Variants in ADD3 observed in about 807,000 individuals in gnomAD.
ADD3 encodes gamma-adducin.
A neutral mutation model predicts 80.2 loss-of-function variants in ADD3; 25 were observed. That is an observed-to-expected ratio of 0.31 (90% confidence interval 0.23 to 0.44). The LOEUF (loss-of-function observed/expected upper bound fraction) is 0.44, where lower values mean the gene tolerates loss of function less well. Among genes scored for constraint, ADD3 ranks in the 20% least tolerant of loss-of-function variants. The pLI, the probability that ADD3 is intolerant of heterozygous loss-of-function variation, is 1.00. For synonymous variants in ADD3, 284 were observed against 289.6 expected (o/e 0.98, Z 0.20); for missense variants, 829 against 847.5 (o/e 0.98, Z 0.27).
At chr10:110,059,614 C>A (rs977169018) in intron 1 of ADD3, among the ~76,000 whole-genome samples, 1 of 151,744 alleles carries the variant, frequency 6.6e-6, no homozygotes, top group Non-Finnish European at 1.5e-5. Flanking sequence ...ACCAAAAATA[C>A]AAAAATTAGC....
At chr10:110,008,798 A>G (rs1348889220) in intron 1 of ADD3, among the ~76,000 whole-genome samples, 1 of 152,128 alleles carries the variant, frequency 6.6e-6, no homozygotes, top group Non-Finnish European at 1.5e-5. Context: ...TTTTGTTACA[A>G]GTTGAAAGTG....
At chr10:110,077,923 A>G (rs1024251437) in intron 1 of ADD3, among the ~76,000 whole-genome samples, 4 of 152,074 alleles carry the variant, frequency 2.6e-5, no homozygotes, top group Admixed American at 6.5e-5. Flanking sequence ...TGTGTTATCT[A>G]TACTCTCTGG....
intron 1 of ADD3, among the ~76,000 whole-genome samples, chr10:110,016,777 G>C (rs1164788151): frequency 2.0e-5 from 3 of 152,052 alleles, no homozygotes; most frequent in African/African-American, 7.2e-5. Flanking sequence ...CCTGGTTTTT[G>C]TTTGTTTTTT....
At chr10:110,050,506 C>CTTTT (rs59897959) in intron 1 of ADD3, among the ~76,000 whole-genome samples, 3 of 129,440 alleles carry the variant, frequency 2.3e-5, no homozygotes, top group Non-Finnish European at 3.3e-5. Flanking sequence ...CATTAAACCT[C>CTTTT]TTTTTTTTTT....
intron 1 of ADD3, among the ~76,000 whole-genome samples, chr10:110,032,310 C>CT (rs1325920340): frequency 2.0e-5 from 3 of 152,110 alleles, no homozygotes; most frequent in African/African-American, 7.2e-5. Context: ...ATGCTAGTCT[C>CT]TAAGTTAGAA....
intron 1 of ADD3, among the ~76,000 whole-genome samples, chr10:110,011,339 G>T (rs1291825478): frequency 6.6e-6 from 1 of 152,122 alleles, no homozygotes; most frequent in Non-Finnish European, 1.5e-5. Flanking sequence ...ATTCCTCAAG[G>T]AACTGTGTGT....
intron 5 of ADD3, 104 bp from the exon 6 acceptor site, chr10:110,118,483 A>C (rs958823922): frequency 2.1e-6 from 2 of 938,088 alleles, no homozygotes; most frequent in East Asian, 2.4e-5. Context: ...AATATTTGCT[A>C]TCTGACCTTT....
At chr10:110,080,769 A>G (rs994336068) in intron 1 of ADD3, among the ~76,000 whole-genome samples, 1 of 152,188 alleles carries the variant, frequency 6.6e-6, no homozygotes. Flanking sequence ...CCTTTAATCC[A>G]TCTCCTTGTT....
chr10:110,130,536 A>G (rs747496598), intron 13 of ADD3, 50 bp downstream of exon 13: 19 of 1,589,942 alleles, frequency 1.2e-5, no homozygotes, highest in African/African-American at 2.7e-5. Flanking sequence ...TGATAACAAT[A>G]AAGTACCTCA....
intron 1 of ADD3, among the ~76,000 whole-genome samples, chr10:110,012,906 T>C (rs1843388696): frequency 6.6e-6 from 1 of 152,124 alleles, no homozygotes; most frequent in African/African-American, 2.4e-5. Flanking sequence ...TTTATATCTT[T>C]AAGGTAAGGT....
chr10:110,052,615 G>A (rs565673630), intron 1 of ADD3, among the ~76,000 whole-genome samples: 2 of 152,322 alleles, frequency 1.3e-5, no homozygotes, highest in South Asian at 2.1e-4. Context: ...GTTGGGGACC[G>A]ATGGTCTATG....
intron 1 of ADD3, among the ~76,000 whole-genome samples, chr10:110,099,926 A>G (rs1216099789): frequency 1.3e-5 from 2 of 152,222 alleles, no homozygotes; most frequent in Non-Finnish European, 2.9e-5. Flanking sequence ...GGTTTGTACT[A>G]GTTCCTATTA....
chr10:110,020,460 A>G (rs1462571247), intron 1 of ADD3, among the ~76,000 whole-genome samples: 1 of 152,190 alleles, frequency 6.6e-6, no homozygotes, highest in Non-Finnish European at 1.5e-5. Context: ...AGATGATGAG[A>G]GAGCATGCAT....
At chr10:110,095,885 G>A (rs1036968912) in intron 1 of ADD3, among the ~76,000 whole-genome samples, 1 of 152,272 alleles carries the variant, frequency 6.6e-6, no homozygotes, top group Admixed American at 6.5e-5. Context: ...ATTTTCATTT[G>A]TATAATATTC....
At chr10:110,006,077 C>T, upstream of ADD3, 1 of 180,016 alleles carries the variant, frequency 5.6e-6, no homozygotes, top group South Asian at 9.3e-5. Flanking sequence ...TTGCAGAATC[C>T]ACACCTAGAG....
At chr10:110,098,021 C>T (rs903669242) in intron 1 of ADD3, among the ~76,000 whole-genome samples, 7 of 152,090 alleles carry the variant, frequency 4.6e-5, no homozygotes, top group Non-Finnish European at 8.8e-5. Flanking sequence ...ATGATCTGGC[C>T]GCCTTGGCCT....
chr10:110,075,762 G>A (rs1845316230), intron 1 of ADD3: 1 of 152,208 alleles, frequency 6.6e-6, no homozygotes, highest in Non-Finnish European at 1.5e-5. Flanking sequence ...CCAAGAGATA[G>A]CAGCAGGTGA....
chr10:110,077,044 A>G (rs1028445631), intron 1 of ADD3: 3 of 152,220 alleles, frequency 2.0e-5, no homozygotes, highest in Non-Finnish European at 4.4e-5. Context: ...AACAAAGTTC[A>G]TTGTTAGGGC....
chr10:110,045,678 A>G (rs1176311628), intron 1 of ADD3, among the ~76,000 whole-genome samples: 2 of 152,264 alleles, frequency 1.3e-5, no homozygotes, highest in African/African-American at 2.4e-5. Flanking sequence ...ATTTACCACC[A>G]TAAAATATAC....
Sources: gnomAD v4.1 joint callset for allele counts (sites outside exome capture counted in the v4.1 genomes callset) on GRCh38, gnomAD v4.1.1 for gene constraint, MANE v1.5 for transcripts, NCBI Gene and HGNC (gene_info 2026-07-23, HGNC 2026-07-21) for gene names.